The following HCN1 variants were observed in gnomAD, a reference collection of about 807,000 sequenced individuals.
HCN1 encodes the protein potassium/sodium hyperpolarization-activated cyclic nucleotide-gated channel 1.
A neutral mutation model predicts 78.9 loss-of-function variants in HCN1; 13 were observed. The observed-to-expected ratio is 0.16, with a 90% CI of 0.11 to 0.26. The LOEUF is 0.26. Ranked by LOEUF, HCN1 falls within the 10% of genes least tolerant of loss-of-function variation. The pLI is 1.00. For missense variants in HCN1, 810 were observed against 1,154.3 expected (o/e 0.70, Z 4.32); for synonymous variants, 552 against 455.5 (o/e 1.21, Z -2.70).
chr5:45,517,532 A>AC (rs911984827), intron 2 of HCN1, among the ~76,000 whole-genome samples: 3 of 150,492 alleles, frequency 2.0e-5, no homozygotes, highest in African/African-American at 7.3e-5. Flanking sequence ...AAAAAAAAAA[A>AC]AAAAAAAAAA....
intron 5 of HCN1, among the ~76,000 whole-genome samples, chr5:45,342,195 C>T (rs1277867871): frequency 6.6e-6 from 1 of 151,288 alleles, no homozygotes; most frequent in Non-Finnish European, 1.5e-5. Flanking sequence ...CTTTTAATTC[C>T]ATTTTCTATG....
At chr5:45,441,959 T>A (rs1740688179) in intron 3 of HCN1, among the ~76,000 whole-genome samples, 1 of 152,186 alleles carries the variant, frequency 6.6e-6, no homozygotes, top group Non-Finnish European at 1.5e-5. Context: ...TTTAATATTA[T>A]TTTTTCCCTT....
At chr5:45,518,232 T>C (rs1166705000) in intron 2 of HCN1, among the ~76,000 whole-genome samples, 1 of 152,094 alleles carries the variant, frequency 6.6e-6, no homozygotes, top group Non-Finnish European at 1.5e-5. Context: ...CAATCATTTA[T>C]TTGCATCAGA....
chr5:45,447,171 A>G (rs1740816694), intron 3 of HCN1, among the ~76,000 whole-genome samples: 1 of 152,196 alleles, frequency 6.6e-6, no homozygotes, highest in African/African-American at 2.4e-5. Flanking sequence ...CATATGCTCA[A>G]AATAAAAGGA....
intron 4 of HCN1, among the ~76,000 whole-genome samples, chr5:45,393,515 C>G (rs1236152288): frequency 1.3e-5 from 2 of 152,080 alleles, no homozygotes; most frequent in East Asian, 3.9e-4. Context: ...GAATGGTCAT[C>G]ATGGAGAATT....
In HCN1 at chr5:45,260,127, T is replaced by G. The variant is rs1744702776; in HGVS notation, c.*1794A>C. On this transcript the variant is annotated 3_prime_UTR_variant, in exon 8 of 8. Transcript: ENST00000303230. Reference sequence around the variant, plus strand: ...CAGCAAGGATCCACTTTAGAGTTTCTGCTTTTGTTTTTGTTTTCTGTCCTC... The same window carrying G: ...CAGCAAGGATCCACTTTAGAGTTTCGGCTTTTGTTTTTGTTTTCTGTCCTC... 1 of 152,270 alleles carries G rather than the reference T, an allele frequency of 6.6e-6. No individual in the cohort carries two copies. The highest frequency in any genetic ancestry group is 1.5e-5 in the Non-Finnish European group (1 of 68,056). 9.4% of individuals were successfully genotyped at this position (152,270 alleles called of 1,614,324 possible).
At chr5:45,538,556 T>C (rs1743019315) in intron 2 of HCN1, among the ~76,000 whole-genome samples, 1 of 152,188 alleles carries the variant, frequency 6.6e-6, no homozygotes, top group Non-Finnish European at 1.5e-5. Flanking sequence ...GGATATGATA[T>C]AACTATATAT....
chr5:45,691,013 C>T (rs1739902148), intron 1 of HCN1, among the ~76,000 whole-genome samples: 1 of 152,068 alleles, frequency 6.6e-6, no homozygotes, highest in Non-Finnish European at 1.5e-5. Context: ...GTTTCCTGCT[C>T]ACTATAGGAC....
At chr5:45,676,362 T>C (rs1031982014) in intron 1 of HCN1, among the ~76,000 whole-genome samples, 1 of 151,834 alleles carries the variant, frequency 6.6e-6, no homozygotes, top group African/African-American at 2.4e-5. Flanking sequence ...ACACCTTATA[T>C]TTTTATTGGT....
intron 5 of HCN1, among the ~76,000 whole-genome samples, chr5:45,308,769 C>T (rs550817464): frequency 7.7e-4 from 117 of 152,082 alleles, no homozygotes; most frequent in Admixed American, 2.3e-3. Context: ...GTTACTGTAG[C>T]CCTGCAGTAG....
chr5:45,690,971 C>T (rs1430933652), intron 1 of HCN1, among the ~76,000 whole-genome samples: 1 of 152,024 alleles, frequency 6.6e-6, no homozygotes, highest in Non-Finnish European at 1.5e-5. Flanking sequence ...ATAAGATTAT[C>T]ACCTGAAAAT....
intron 2 of HCN1, chr5:45,559,817 T>C (rs926997103): frequency 6.6e-6 from 1 of 152,190 alleles, no homozygotes; most frequent in African/African-American, 2.4e-5. Flanking sequence ...AATAACATTA[T>C]GTGCTTCAGA....
At chr5:45,319,114 C>A (rs1270995838) in intron 5 of HCN1, among the ~76,000 whole-genome samples, 1 of 151,834 alleles carries the variant, frequency 6.6e-6, no homozygotes, top group East Asian at 1.9e-4. Flanking sequence ...TGGGTTGTTA[C>A]CAGTTTTAGG....
chr5:45,281,642 C>G (rs1265463601), intron 6 of HCN1, among the ~76,000 whole-genome samples: 1 of 122,862 alleles, frequency 8.1e-6, no homozygotes, highest in Non-Finnish European at 1.6e-5. Context: ...GGCTGGAGTG[C>G]AGTGGCATGA....
chr5:45,343,086 G>A (rs530424072), intron 5 of HCN1, among the ~76,000 whole-genome samples: 1 of 152,236 alleles, frequency 6.6e-6, no homozygotes, highest in Non-Finnish European at 1.5e-5. Context: ...GACATTTCTG[G>A]AACACATGTG....
At chr5:45,335,180 A>G (rs548672872) in intron 5 of HCN1, among the ~76,000 whole-genome samples, 3 of 151,966 alleles carry the variant, frequency 2.0e-5, no homozygotes, top group Non-Finnish European at 4.4e-5. Context: ...CAGGCTCAGA[A>G]GGGCATTAAC....
intron 3 of HCN1, among the ~76,000 whole-genome samples, chr5:45,406,314 T>C (rs1739918548): frequency 6.6e-6 from 1 of 152,190 alleles, no homozygotes; most frequent in African/African-American, 2.4e-5. Context: ...TTAGTGAATA[T>C]ATTTTATGTG....
intron 3 of HCN1, among the ~76,000 whole-genome samples, chr5:45,429,492 A>T (rs1257925313): frequency 2.0e-5 from 3 of 152,018 alleles, no homozygotes; most frequent in Non-Finnish European, 2.9e-5. Flanking sequence ...CTCTTTTGAG[A>T]GGGGTGAATG....
chr5:45,406,557 T>C (rs752846995), intron 3 of HCN1, among the ~76,000 whole-genome samples: 7 of 152,208 alleles, frequency 4.6e-5, no homozygotes, highest in Non-Finnish European at 1.0e-4. Context: ...CACAGATCTG[T>C]CTGAACCACA....
Sources: allele counts gnomAD v4.1 joint callset (sites outside exome capture counted in the v4.1 genomes callset), GRCh38; gene constraint gnomAD v4.1.1; transcripts MANE v1.5; gene names NCBI Gene and HGNC (gene_info 2026-07-23, HGNC 2026-07-21).